The following PCDHB8 variants were observed in gnomAD, a reference collection of about 807,000 sequenced individuals.
PCDHB8 encodes protocadherin beta 8, also known as protocadherin beta-8.
For missense variants in PCDHB8, 836 were observed against 1,004.0 expected (o/e 0.83, Z 2.26); for synonymous variants, 385 against 448.5 (o/e 0.86, Z 1.79).
At position 141,180,032 on chromosome 5, in the gene PCDHB8, C is replaced by G; in HGVS notation, c.1998C>G (p.Gly666=). The G allele has an allele frequency of 6.2e-7, 1 of 1,609,292 alleles. No individual in the cohort carries two copies. The highest frequency in any genetic ancestry group is 8.5e-7 in the Non-Finnish European group (1 of 1,179,804). Residue 666 remains glycine, a synonymous_variant, in exon 1 of 1, where the codon GGC becomes GGG. Transcript: ENST00000239444. ...TATLHVLLVD[G]FSQPYLPLPE... is the part of the protein sequence containing the mutation. ...CGCTGCACGTGCTCCTGGTGGACGGCTTCTCCCAGCCCTACCTGCCGCTTC... is the reference window on the plus strand; with the variant it reads ...CGCTGCACGTGCTCCTGGTGGACGGGTTCTCCCAGCCCTACCTGCCGCTTC...
chr5:141,179,646 G>A lies in PCDHB8; in HGVS notation c.1612G>A (p.Gly538Ser), dbSNP rs1203459780. ...GTTCCGGGTGGGCGCTTCAGACCGC[G>A]GCTCCCCGGCTTTGAGCAGCGAGGC... Reference protein sequence around the residue: ...FEFRVGASDRGSPALSSEALV... With the variant: ...FEFRVGASDRSSPALSSEALV... Residue 538 changes from glycine (G) to serine (S), a missense_variant, in exon 1 of 1, where the codon GGC becomes AGC. By Grantham distance (56) the Gly-to-Ser change is moderately conservative. Transcript: ENST00000239444. 1 of 1,612,834 alleles carries A rather than the reference G, an allele frequency of 6.2e-7. No individual in the cohort carries two copies. The highest frequency in any genetic ancestry group is 8.5e-7 in the Non-Finnish European group (1 of 1,179,874).
At position 141,179,107 on chromosome 5, in the gene PCDHB8, C is replaced by T. The variant is rs1753464840; in HGVS notation, c.1073C>T (p.Pro358Leu). 1 of 1,614,226 alleles carries T rather than the reference C, an allele frequency of 6.2e-7. No homozygotes were observed. The highest frequency in any genetic ancestry group is 8.5e-7 in the Non-Finnish European group (1 of 1,180,048). ...VTMSAFTSPI[P>L]ENAPETVVAL... ...ATGTCTGCATTTACCAGCCCAATAC[C>T]TGAGAATGCGCCTGAAACTGTGGTT... The change falls in exon 1 of 1, where the codon CCT becomes CTT. Residue 358 changes from proline to leucine, a missense_variant. Physicochemically the swap from Pro to Leu is moderately conservative, Grantham distance 98. Transcript: ENST00000239444.
rs1554280846 is a variant in PCDHB8 at position 141,178,085 on chromosome 5, CT to C, written c.54del (p.Leu19SerfsTer31). 6.2e-7 allele frequency: 1 copy of C among 1,612,526 alleles called. No individual in the cohort carries two copies. On this transcript the variant is annotated frameshift_variant, in exon 1 of 1. Coordinates refer to ENST00000239444, the MANE Select transcript of PCDHB8 (RefSeq NM_019120.5). LOFTEE classifies it low-confidence loss of function (END_TRUNC). The part of the protein sequence containing the change: ...ICRQRQVLFS[F>X]LLLGLSLAGA... Reference sequence around the variant, plus strand: ...GCAGACAAAGGCAAGTCCTTTTTTCCTTTCTCCTTTTGGGCTTATCTCTGGC... The same window carrying C: ...GCAGACAAAGGCAAGTCCTTTTTTCCTTCTCCTTTTGGGCTTATCTCTGGC...
In PCDHB8 at chr5:141,179,322, C is replaced by T. The variant is rs782821161; in HGVS notation, c.1288C>T (p.Pro430Ser). The T allele has an allele frequency of 6.2e-7, 1 of 1,614,258 alleles. No homozygotes were observed. Among genetic ancestry groups the T allele is most frequent in the Non-Finnish European group, 8.5e-7 (1 of 1,180,050 alleles). The change falls in exon 1 of 1, where the codon CCC becomes TCC. Residue 430 changes from proline (P) to serine (S), a missense_variant. Coordinates refer to ENST00000239444, the MANE Select transcript of PCDHB8 (RefSeq NM_019120.5). ...TATCACCGTCACTGACTTAGGGACA[C>T]CCAGGCTGACAACACATCTCAATAT... ...VTITVTDLGTPRLTTHLNMTV... is the reference protein window; with the variant it reads ...VTITVTDLGTSRLTTHLNMTV...
Position 141,177,939 on chromosome 5 carries a change from T to C in PCDHB8, c.-96T>C, listed in dbSNP as rs1753418590. The C allele has an allele frequency of 5.7e-6, 9 of 1,571,506 alleles. No individual in the cohort carries two copies. Among genetic ancestry groups the C allele is most frequent in the Non-Finnish European group, 7.8e-6 (9 of 1,150,458 alleles). On this transcript the variant is annotated 5_prime_UTR_variant, in exon 1 of 1. Coordinates refer to ENST00000239444, the MANE Select transcript of PCDHB8 (RefSeq NM_019120.5). ...CTGGAGAGGACTACTCACTGGCATA[T>C]TTCTGAGGTATCTGTAGAAAACCAC...
rs150685246 is a variant in PCDHB8 at position 141,178,783 on chromosome 5, T to C, written c.749T>C (p.Val250Ala). Residue 250 changes from valine (V) to alanine (A), a missense_variant, in exon 1 of 1, where the codon GTG becomes GCG. Coordinates refer to ENST00000239444, the MANE Select transcript of PCDHB8 (RefSeq NM_019120.5). ...GAATTTGAGCAGCCTTTCTATAGGG[T>C]GCAGATCTCTGAGGACAGTCCAATA... is the stretch of plus-strand genomic sequence containing the variant. Reference protein sequence around the residue: ...APEFEQPFYRVQISEDSPISF... With the variant: ...APEFEQPFYRAQISEDSPISF... 132 of 1,614,002 alleles carry C rather than the reference T, an allele frequency of 8.2e-5. No individual in the cohort carries two copies. In the African/African-American group the frequency reaches 1.5e-3, roughly 18 times the overall value.
chr5:141,179,936 C>G lies in PCDHB8; in HGVS notation c.1902C>G (p.Arg634=), dbSNP rs548331717. 4 of 1,608,858 alleles carry G rather than the reference C, an allele frequency of 2.5e-6. No homozygotes were observed. The highest frequency in any genetic ancestry group is 3.4e-6 in the Non-Finnish European group (4 of 1,179,562). ...GCACCGCCAGGCTGCTGAGCGAGCG[C>G]GACGCGGCCAAGCAGAGGCTGGTGG... The part of the protein sequence containing the change: ...EVRTARLLSE[R]DAAKQRLVVL... Residue 634 remains arginine (R), a synonymous_variant, in exon 1 of 1, where the codon CGC becomes CGG. Coordinates refer to ENST00000239444, the MANE Select transcript of PCDHB8 (RefSeq NM_019120.5).
rs1554281151 is a variant in PCDHB8 at position 141,179,307 on chromosome 5, A to C, written c.1273A>C (p.Thr425Pro). The change falls in exon 1 of 1, where the codon ACT (threonine) becomes CCT (proline). Residue 425 changes from threonine (T) to proline (P), a missense_variant. Thr to Pro is a conservative substitution (Grantham distance 38, BLOSUM62 -1). Transcript: ENST00000239444. Reference protein sequence around the residue: ...RAEYNVTITVTDLGTPRLTTH... With the variant: ...RAEYNVTITVPDLGTPRLTTH... Reference sequence around the variant, plus strand: ...CGAGTACAACGTCACTATCACCGTCACTGACTTAGGGACACCCAGGCTGAC... The same window carrying C: ...CGAGTACAACGTCACTATCACCGTCCCTGACTTAGGGACACCCAGGCTGAC... 4.3e-6 allele frequency: 7 copies of C among 1,614,270 alleles called. No individual in the cohort carries two copies. In the African/African-American group the frequency reaches 8.0e-5, roughly 18 times the overall value.
rs1467234607 is a variant in PCDHB8 at position 141,179,479 on chromosome 5, G to T, written c.1445G>T (p.Gly482Val). Residue 482 changes from glycine to valine, a missense_variant, in exon 1 of 1, where the codon GGC becomes GTC. Gly to Val is a moderately radical substitution (Grantham distance 109). Coordinates refer to ENST00000239444, the MANE Select transcript of PCDHB8 (RefSeq NM_019120.5). ...GTCAGCGCCACAGACAGAGACTCGGGCACCAACGCCCAGGTCACCTACTCG... is the reference window on the plus strand; with the variant it reads ...GTCAGCGCCACAGACAGAGACTCGGTCACCAACGCCCAGGTCACCTACTCG... ...GSVSATDRDS[G>V]TNAQVTYSLL... 1 of 1,613,476 alleles carries T rather than the reference G, an allele frequency of 6.2e-7. No homozygotes were observed. Among genetic ancestry groups the T allele is most frequent in the Non-Finnish European group, 8.5e-7 (1 of 1,180,004 alleles).
At position 141,180,492 on chromosome 5, in the gene PCDHB8, T is replaced by G; in HGVS notation, c.*52T>G. 1 of 1,306,400 alleles carries G rather than the reference T, an allele frequency of 7.7e-7. No homozygotes were observed. Among genetic ancestry groups the G allele is most frequent in the Non-Finnish European group, 1.0e-6 (1 of 980,500 alleles). The allele number at this position is 1,306,400 out of a possible 1,614,324, so 80.9% of individuals were successfully genotyped here. Reference sequence around the variant, plus strand: ...TTTATGATCAATTCAAAGGAATGGTTTTCTGTCAACTTAGCATAAATTTTA... The same window carrying G: ...TTTATGATCAATTCAAAGGAATGGTGTTCTGTCAACTTAGCATAAATTTTA... On this transcript the variant is annotated 3_prime_UTR_variant, in exon 1 of 1. Transcript: ENST00000239444.
chr5:141,180,020 C>G lies in PCDHB8; in HGVS notation c.1986C>G (p.Leu662=). Residue 662 remains leucine (L), a synonymous_variant, in exon 1 of 1, where the codon CTC becomes CTG. Coordinates refer to ENST00000239444, the MANE Select transcript of PCDHB8 (RefSeq NM_019120.5). The part of the protein sequence containing the change: ...PCSATATLHV[L]LVDGFSQPYL... ...CGGCCACCGCCACGCTGCACGTGCT[C>G]CTGGTGGACGGCTTCTCCCAGCCCT... 1 of 1,609,180 alleles carries G rather than the reference C, an allele frequency of 6.2e-7. No homozygotes were observed. The highest frequency in any genetic ancestry group is 8.5e-7 in the Non-Finnish European group (1 of 1,179,772).
Position 141,180,057 on chromosome 5 carries a change from C to T in PCDHB8, c.2023C>T (p.Pro675Ser), listed in dbSNP as rs144189906. ...DGFSQPYLPLPEAAPAQGQAD... is the reference protein window; with the variant it reads ...DGFSQPYLPLSEAAPAQGQAD... ...CTTCTCCCAGCCCTACCTGCCGCTT[C>T]CGGAGGCTGCCCCAGCCCAGGGCCA... Residue 675 changes from proline (P) to serine (S), a missense_variant, in exon 1 of 1, where the codon CCG becomes TCG. Coordinates refer to ENST00000239444, the MANE Select transcript of PCDHB8 (RefSeq NM_019120.5). The T allele has an allele frequency of 3.7e-6, 6 of 1,609,792 alleles. No individual in the cohort carries two copies. Among genetic ancestry groups the T allele is most frequent in the Non-Finnish European group, 5.1e-6 (6 of 1,179,824 alleles).
At position 141,180,152 on chromosome 5, in the gene PCDHB8, G is replaced by T. The variant is rs1167099140; in HGVS notation, c.2118G>T (p.Val706=). The change falls in exon 1 of 1, where the codon GTG becomes GTT. Residue 706 remains valine (V), a synonymous_variant. Coordinates refer to ENST00000239444, the MANE Select transcript of PCDHB8 (RefSeq NM_019120.5). ...ASVSSLFLFS[V]LLFVAVLLCR... is the part of the protein sequence containing the mutation. ...TGTCTTCGCTCTTCCTCTTCTCGGT[G>T]CTCCTGTTCGTGGCGGTGCTGCTGT... The T allele has an allele frequency of 3.1e-6, 5 of 1,611,826 alleles. No homozygotes were observed. The highest frequency in any genetic ancestry group is 4.5e-5 in the East Asian group (2 of 44,882).
rs1227266206 is a variant in PCDHB8 at position 141,178,956 on chromosome 5, C to T, written c.922C>T (p.Leu308Phe). The change falls in exon 1 of 1, where the codon CTT (leucine) becomes TTT (phenylalanine). Residue 308 changes from leucine to phenylalanine, a missense_variant. Leu to Phe is a conservative substitution (Grantham distance 22). Transcript: ENST00000239444. ...LTGEIRLKKQ[L>F]DFEKFQSYEV... The stretch of plus-strand genomic sequence containing the variant: ...AGGAGAAATTCGACTAAAGAAACAA[C>T]TTGATTTCGAAAAATTTCAGTCCTA... 6.2e-7 allele frequency: 1 copy of T among 1,614,236 alleles called. No homozygotes were observed. Among genetic ancestry groups the T allele is most frequent in the Non-Finnish European group, 8.5e-7 (1 of 1,180,046 alleles).
rs782699376 is a variant in PCDHB8, at chr5:141,179,384, C to T, written c.1350C>T (p.Pro450=). Residue 450 remains proline (P), a synonymous_variant, in exon 1 of 1, where the codon CCC becomes CCT. Transcript: ENST00000239444. ...VLVSDVNDNA[P]AFTQTSYTLF... ...TGTCGGACGTCAATGACAACGCCCCCGCCTTCACCCAAACCTCCTACACCC... is the reference window on the plus strand; with the variant it reads ...TGTCGGACGTCAATGACAACGCCCCTGCCTTCACCCAAACCTCCTACACCC... The T allele has an allele frequency of 3.1e-6, 5 of 1,614,138 alleles. No individual in the cohort carries two copies. The highest frequency in any genetic ancestry group is 1.3e-5 in the African/African-American group (1 of 74,938).
At position 141,179,930 on chromosome 5, in the gene PCDHB8, C is replaced by G. The variant is rs1462582120; in HGVS notation, c.1896C>G (p.Ser632Arg). 8 of 1,608,672 alleles carry G rather than the reference C, an allele frequency of 5.0e-6. No individual in the cohort carries two copies. Among genetic ancestry groups the G allele is most frequent in the Middle Eastern group, 2.2e-4 (1 of 4,464 alleles). Residue 632 changes from serine (S) to arginine (R), a missense_variant, in exon 1 of 1, where the codon AGC becomes AGG. By Grantham distance (110) the Ser-to-Arg change is moderately radical (BLOSUM62 -1). Transcript: ENST00000239444. ...NGEVRTARLL[S>R]ERDAAKQRLV... ...AGGTGCGCACCGCCAGGCTGCTGAG[C>G]GAGCGCGACGCGGCCAAGCAGAGGC...
Position 141,180,039 on chromosome 5 carries a change from C to G in PCDHB8, c.2005C>G (p.Gln669Glu). ...CGTGCTCCTGGTGGACGGCTTCTCCCAGCCCTACCTGCCGCTTCCGGAGGC... is the reference window on the plus strand; with the variant it reads ...CGTGCTCCTGGTGGACGGCTTCTCCGAGCCCTACCTGCCGCTTCCGGAGGC... ...LHVLLVDGFS[Q>E]PYLPLPEAAP... The change falls in exon 1 of 1, where the codon CAG becomes GAG. Residue 669 changes from glutamine (Q) to glutamate (E), a missense_variant. Physicochemically the swap from Gln to Glu is conservative, Grantham distance 29. Transcript: ENST00000239444. 6.2e-7 allele frequency: 1 copy of G among 1,609,512 alleles called. No individual in the cohort carries two copies. The highest frequency in any genetic ancestry group is 8.5e-7 in the Non-Finnish European group (1 of 1,179,810).
rs782031855 is a variant in PCDHB8, at chr5:141,179,653, C to G, written c.1619C>G (p.Pro540Arg). 9 of 1,612,624 alleles carry G rather than the reference C, an allele frequency of 5.6e-6. No individual in the cohort carries two copies. Among genetic ancestry groups the G allele is most frequent in the Admixed American group, 3.3e-5 (2 of 59,998 alleles). ...FRVGASDRGS[P>R]ALSSEALVRV... ...GTGGGCGCTTCAGACCGCGGCTCCC[C>G]GGCTTTGAGCAGCGAGGCGCTGGTG... The change falls in exon 1 of 1, where the codon CCG (proline) becomes CGG (arginine). Residue 540 changes from proline to arginine, a missense_variant. Pro to Arg is a moderately radical substitution (Grantham distance 103, BLOSUM62 -2). Transcript: ENST00000239444.
Position 141,178,011 on chromosome 5 carries a change from A to C in PCDHB8, c.-24A>C, listed in dbSNP as rs782630730. 2 of 1,613,734 alleles carry C rather than the reference A, an allele frequency of 1.2e-6. No individual in the cohort carries two copies. The highest frequency in any genetic ancestry group is 2.7e-5 in the African/African-American group (2 of 74,718). On this transcript the variant is annotated 5_prime_UTR_variant, in exon 1 of 1. Transcript: ENST00000239444. ...TACAGTCCCACAGAACCGTCCTCCC[A>C]GGAAGCTGAATTCAGCAAGAACAAT...
Sources: allele counts gnomAD v4.1 joint callset, GRCh38; gene constraint gnomAD v4.1.1; transcripts MANE v1.5; gene names NCBI Gene and HGNC (gene_info 2026-07-23, HGNC 2026-07-21).